Variants in GSAP observed in about 807,000 individuals in gnomAD.
GSAP encodes the protein gamma-secretase-activating protein.
Under a neutral mutation model 131.7 loss-of-function variants are expected in GSAP, and 118 were observed. The observed-to-expected ratio is 0.90, with a 90% confidence interval of 0.77 to 1.04. The LOEUF is 1.04. Ranked by LOEUF, GSAP falls within the 50% of genes least tolerant of loss-of-function variation. The pLI, the probability that GSAP is intolerant of heterozygous loss-of-function variation, is 0.00. For synonymous variants in GSAP, 381 were observed against 363.4 expected, an observed-to-expected ratio of 1.05 and a Z score of -0.55; for missense variants, 1,019 against 1,013.2, an observed-to-expected ratio of 1.01 and a Z score of -0.08.
chr7:77,333,835 G>A (rs1201626421), intron 19 of GSAP, among the ~76,000 whole-genome samples: 1 of 152,092 alleles, frequency 6.6e-6, no homozygotes, highest in Non-Finnish European at 1.5e-5. Context: ...GGGAGGGGAA[G>A]GGAGAGTTGA....
chr7:77,394,375 T>C (rs893531292), intron 5 of GSAP, among the ~76,000 whole-genome samples: 2 of 152,212 alleles, frequency 1.3e-5, no homozygotes, highest in Non-Finnish European at 2.9e-5. Flanking sequence ...CTGTTTGATC[T>C]GCCAGAAATG....
intron 5 of GSAP, among the ~76,000 whole-genome samples, chr7:77,392,674 A>G (rs1258668323): frequency 1.3e-5 from 2 of 152,192 alleles, no homozygotes; most frequent in African/African-American, 2.4e-5. Flanking sequence ...TGACATGAGG[A>G]GAACGGAGGT....
chr7:77,323,804 G>C lies in GSAP; in HGVS notation c.1828-62C>G, dbSNP rs911050635. 4 of 683,234 alleles carry C rather than the reference G, an allele frequency of 5.9e-6. No homozygotes were observed. In the Admixed American group the frequency reaches 1.1e-4, roughly 19 times the overall value. The allele number at this position is 683,234 out of a possible 1,614,324, so 42.3% of individuals were successfully genotyped here. A position where few individuals can be genotyped will look rare whatever the true frequency, so the allele number is the denominator to read the frequency against. The stretch of plus-strand genomic sequence containing the variant: ...ACCCACTCATACCTGCAACTGGTTT[G>C]AATTAGATCCACTTATTAACATTCT... On this transcript the variant is annotated intron_variant, in intron 23 of 30. Coordinates refer to ENST00000257626, the MANE Select transcript of GSAP (RefSeq NM_017439.4).
At chr7:77,361,105 A>G (rs765649034) in intron 13 of GSAP, among the ~76,000 whole-genome samples, 1 of 152,230 alleles carries the variant, frequency 6.6e-6, no homozygotes, top group Non-Finnish European at 1.5e-5. Flanking sequence ...ACACTCCAGT[A>G]GTTGCTCTGG....
intron 9 of GSAP, 95 bp downstream of exon 9, chr7:77,377,191 T>C: frequency 8.4e-7 from 1 of 1,191,680 alleles, no homozygotes; most frequent in Non-Finnish European, 1.1e-6. Context: ...CACTCCAGCC[T>C]CAGCAAGAGA....
intron 8 of GSAP, chr7:77,379,771 C>T (rs944455799): frequency 8.6e-6 from 5 of 582,346 alleles, no homozygotes; most frequent in Non-Finnish European, 1.1e-5. Context: ...TCCTTGTGCT[C>T]CCATCCGTCT....
intron 5 of GSAP, among the ~76,000 whole-genome samples, chr7:77,394,404 G>A (rs551559893): frequency 3.3e-5 from 5 of 152,234 alleles, no homozygotes; most frequent in East Asian, 1.9e-4. Flanking sequence ...CCATAGCCTC[G>A]TGCTTGTTCC....
At chr7:77,344,058 T>C (rs1041455526) in intron 19 of GSAP, among the ~76,000 whole-genome samples, 2 of 152,160 alleles carry the variant, frequency 1.3e-5, no homozygotes, top group Non-Finnish European at 2.9e-5. Context: ...CACCTCTTGG[T>C]CTGGGTAGAC....
chr7:77,415,593 G>T (rs1436230874), intron 1 of GSAP: 3 of 152,200 alleles, frequency 2.0e-5, no homozygotes, highest in Non-Finnish European at 4.4e-5. Context: ...GAGCTCGGGG[G>T]CGGCTGGGGG....
At chr7:77,349,908 G>A (rs1792528637) in intron 18 of GSAP, among the ~76,000 whole-genome samples, 1 of 152,074 alleles carries the variant, frequency 6.6e-6, no homozygotes. Context: ...TGTAATTTCA[G>A]AGGTAGGAGC....
intron 3 of GSAP, 97 bp from the exon 4 acceptor site, chr7:77,397,512 T>C: frequency 3.1e-6 from 2 of 641,600 alleles, no homozygotes; most frequent in Non-Finnish European, 5.4e-6. Flanking sequence ...TAAGTATTAC[T>C]GGGGCAAAAT....
At chr7:77,413,260 G>A (rs555912101) in intron 1 of GSAP, among the ~76,000 whole-genome samples, 66 of 152,160 alleles carry the variant, frequency 4.3e-4, no homozygotes, top group Non-Finnish European at 1.6e-4. Context: ...AGGAAGCTTC[G>A]GAACTGAAAT....
At chr7:77,416,549 G>T, upstream of GSAP, 2 of 387,962 alleles carry the variant, frequency 5.2e-6, no homozygotes, top group Non-Finnish European at 9.2e-6. Flanking sequence ...GGCGGGTAGC[G>T]GTGGGGCGGG....
At chr7:77,364,466 G>T (rs1794979686) in intron 12 of GSAP, among the ~76,000 whole-genome samples, 1 of 137,438 alleles carries the variant, frequency 7.3e-6, no homozygotes, top group Non-Finnish European at 1.5e-5. Context: ...GGTGGAAACT[G>T]AACAATGAGA....
chr7:77,329,886 C>A (rs951606814), intron 20 of GSAP: 8 of 171,942 alleles, frequency 4.7e-5, no homozygotes, highest in Non-Finnish European at 9.9e-5. Context: ...TATTCTCCCT[C>A]CAACTACCCC....
chr7:77,353,584 C>T lies in GSAP; in HGVS notation c.1396G>A (p.Glu466Lys). The T allele has an allele frequency of 6.2e-7, 1 of 1,607,990 alleles. No homozygotes were observed. Among genetic ancestry groups the T allele is most frequent in the Non-Finnish European group, 8.5e-7 (1 of 1,175,356 alleles). ...SACHSFDLIQ[E>K]FIIASSYWSV... ...CAGCAACACTTACCAATTATAAATT[C>T]CTGAATGAGGTCAAATGAATGGCAG... Residue 466 changes from glutamate to lysine, a missense_variant, in exon 17 of 31, where the codon GAA (glutamate) becomes AAA (lysine). Coordinates refer to ENST00000257626, the MANE Select transcript of GSAP (RefSeq NM_017439.4).
chr7:77,395,185 A>C (rs1024922800), intron 5 of GSAP, among the ~76,000 whole-genome samples: 2 of 152,198 alleles, frequency 1.3e-5, no homozygotes, highest in Admixed American at 1.3e-4. Context: ...AGATGTAAAA[A>C]ATGTAGTTAC....
At chr7:77,344,601 G>A (rs1198954971) in intron 19 of GSAP, among the ~76,000 whole-genome samples, 2 of 152,124 alleles carry the variant, frequency 1.3e-5, no homozygotes, top group African/African-American at 4.8e-5. Flanking sequence ...TACACTGCTG[G>A]TTTACACTGT....
rs770598726 is a variant in GSAP at position 77,377,383 on chromosome 7, T to C, written c.584A>G (p.Lys195Arg). ...AQEDGNRVVIKNSGHLPRDRI... is the reference protein window; with the variant it reads ...AQEDGNRVVIRNSGHLPRDRI... ...GTCTCTTGGGAGATGGCCAGAATTTTTAATCACCTAAAAATGCAAAAAAAA... is the reference window on the plus strand; with the variant it reads ...GTCTCTTGGGAGATGGCCAGAATTTCTAATCACCTAAAAATGCAAAAAAAA... Residue 195 changes from lysine (K) to arginine (R), a missense_variant, in exon 9 of 31, where the codon AAA becomes AGA. By Grantham distance (26) the Lys-to-Arg change is conservative (BLOSUM62 2). Coordinates refer to ENST00000257626, the MANE Select transcript of GSAP (RefSeq NM_017439.4). 7 of 1,556,916 alleles carry C rather than the reference T, an allele frequency of 4.5e-6. No homozygotes were observed. Among genetic ancestry groups the C allele is most frequent in the Non-Finnish European group, 6.0e-6 (7 of 1,161,236 alleles).
Sources: allele counts gnomAD v4.1 joint callset (sites outside exome capture counted in the v4.1 genomes callset), GRCh38; gene constraint gnomAD v4.1.1; transcripts MANE v1.5; gene names NCBI Gene and HGNC (gene_info 2026-07-23, HGNC 2026-07-21).